The following GIPC2 variants were observed in gnomAD, a reference collection of about 807,000 sequenced individuals.
The protein encoded by GIPC2 is GIPC PDZ domain containing family member 2.
GIPC2 carries 30 observed loss-of-function variants against 30.6 expected under a neutral mutation model. The ratio of observed to expected loss-of-function variants is 0.98; its 90% CI spans 0.73 to 1.33. The LOEUF (loss-of-function observed/expected upper bound fraction) is 1.33, where lower values mean the gene tolerates loss of function less well. Among genes scored for constraint, GIPC2 ranks in the 40% most tolerant of loss-of-function variants. GIPC2 has a pLI of 0.00. For missense variants in GIPC2, 414 were observed against 390.3 expected, an observed-to-expected ratio of 1.06 and a Z score of -0.51; for synonymous variants, 167 against 150.0, an observed-to-expected ratio of 1.11 and a Z score of -0.83.
intron 3 of GIPC2, among the ~76,000 whole-genome samples, chr1:78,101,122 G>A (rs762512993): frequency 1.1e-4 from 17 of 152,250 alleles, no homozygotes; most frequent in Non-Finnish European, 1.9e-4. Context: ...AGAGCAGTGA[G>A]GGGAACATCA....
At chr1:78,046,985 G>A (rs531198447) in intron 1 of GIPC2, among the ~76,000 whole-genome samples, 13 of 152,210 alleles carry the variant, frequency 8.5e-5, no homozygotes, top group Non-Finnish European at 1.8e-4. Context: ...ATAACCTAGA[G>A]ATTCATACTT....
chr1:78,071,042 G>T (rs980355339), intron 1 of GIPC2, among the ~76,000 whole-genome samples: 1 of 151,990 alleles, frequency 6.6e-6, no homozygotes, highest in Admixed American at 6.6e-5. Flanking sequence ...CTGTCTTGTC[G>T]CCAATTTTAT....
rs1214003924 is a variant in GIPC2, at chr1:78,136,021, C to T, written c.*278C>T. The T allele has an allele frequency of 4.2e-6, 1 of 236,480 alleles. No homozygotes were observed. The highest frequency in any genetic ancestry group is 8.0e-6 in the Non-Finnish European group (1 of 125,340). 14.6% of individuals were successfully genotyped at this position (236,480 alleles called of 1,614,324 possible). A position where few individuals can be genotyped will look rare whatever the true frequency, so the allele number is the denominator to read the frequency against. ...GTAAGTTTTAAGGAGTATTTCTCGA[C>T]AGATGATTTTCTTCTCCATTAATAC... is the stretch of plus-strand genomic sequence containing the variant. On this transcript the variant is annotated 3_prime_UTR_variant, in exon 6 of 6. Transcript: ENST00000370759.
chr1:78,100,350 CTTTAT>C (rs983671951), intron 3 of GIPC2, among the ~76,000 whole-genome samples: 5 of 152,134 alleles, frequency 3.3e-5, no homozygotes, highest in African/African-American at 1.2e-4. Flanking sequence ...AGTCAGGGCT[CTTTAT>C]TTTAATTTTT....
chr1:78,106,743 C>T (rs191450553), intron 3 of GIPC2, among the ~76,000 whole-genome samples: 3 of 152,224 alleles, frequency 2.0e-5, no homozygotes, highest in Admixed American at 1.3e-4. Flanking sequence ...TGTGATGGTG[C>T]TATCTCGGCT....
Position 78,046,420 on chromosome 1 carries a change from GCGGCGTTTCC to G in GIPC2, c.240+90_240+99del. 4 of 1,306,846 alleles carry G rather than the reference GCGGCGTTTCC, an allele frequency of 3.1e-6. No individual in the cohort carries two copies. The Admixed American group carries it at 8.6e-5, about 28-fold the overall frequency. The allele number at this position is 1,306,846 out of a possible 1,614,324, so 81.0% of individuals were successfully genotyped here. On this transcript the variant is annotated intron_variant, in intron 1 of 5. Transcript: ENST00000370759. ...ATTTCTGTGGGCCCAGGAGGGTTGA[GCGGCGTTTCC>G]CGGAGCGCGAAATCCGATGCCGTGT...
At chr1:78,118,080 G>A (rs1312583757) in intron 3 of GIPC2, among the ~76,000 whole-genome samples, 1 of 151,492 alleles carries the variant, frequency 6.6e-6, no homozygotes, top group African/African-American at 2.4e-5. Context: ...GTGCCACCAT[G>A]CCTGGTTAAT....
At chr1:78,116,991 A>G (rs1662579812) in intron 3 of GIPC2, among the ~76,000 whole-genome samples, 1 of 148,578 alleles carries the variant, frequency 6.7e-6, no homozygotes, top group Non-Finnish European at 1.5e-5. Context: ...AAGTGTTCCT[A>G]TTTCTCCACA....
chr1:78,072,999 C>T lies in GIPC2; in HGVS notation c.241-7676C>T, dbSNP rs1294534344. Among the ~76,000 whole-genome samples, 4 of 150,122 alleles carry T rather than the reference C, an allele frequency of 2.7e-5. No homozygotes were observed. In the East Asian group the frequency reaches 5.9e-4, roughly 22 times the overall value. ...TTTTTTTTTGCATTTTTAGTAGAGA[C>T]GGGGTTTCACTGTATTAGCCAGGAT... On this transcript the variant is annotated intron_variant, in intron 1 of 5. Transcript: ENST00000370759.
chr1:78,077,592 T>TA (rs1661738744), intron 1 of GIPC2, among the ~76,000 whole-genome samples: 1 of 152,270 alleles, frequency 6.6e-6, no homozygotes, highest in Non-Finnish European at 1.5e-5. Flanking sequence ...GATACCTTGT[T>TA]ACGAGTTTAC....
intron 2 of GIPC2, among the ~76,000 whole-genome samples, chr1:78,089,762 A>G (rs772182134): frequency 2.6e-5 from 4 of 152,244 alleles, no homozygotes; most frequent in Non-Finnish European, 5.9e-5. Flanking sequence ...GAAAATTAAG[A>G]GCATACTTAT....
At chr1:78,052,538 T>A (rs1490254744) in intron 1 of GIPC2, among the ~76,000 whole-genome samples, 1 of 152,232 alleles carries the variant, frequency 6.6e-6, no homozygotes, top group Non-Finnish European at 1.5e-5. Flanking sequence ...GTTAATTTTT[T>A]TTATGTTCTG....
intron 1 of GIPC2, among the ~76,000 whole-genome samples, chr1:78,049,066 A>G (rs928454455): frequency 6.6e-6 from 1 of 152,262 alleles, no homozygotes; most frequent in Non-Finnish European, 1.5e-5. Flanking sequence ...GAAGTAACTC[A>G]CTAAAATGAA....
intron 3 of GIPC2, among the ~76,000 whole-genome samples, chr1:78,108,336 T>G (rs1315468727): frequency 6.6e-6 from 1 of 152,230 alleles, no homozygotes; most frequent in African/African-American, 2.4e-5. Flanking sequence ...CAGGGAGTTA[T>G]GAAAACAGCG....
chr1:78,088,578 CA>C (rs1448439774), intron 2 of GIPC2, among the ~76,000 whole-genome samples: 1 of 152,096 alleles, frequency 6.6e-6, no homozygotes, highest in African/African-American at 2.4e-5. Flanking sequence ...AAGGAGGAAA[CA>C]ACAGACACTG....
intron 1 of GIPC2, among the ~76,000 whole-genome samples, chr1:78,060,825 A>G (rs976123562): frequency 2.0e-5 from 3 of 151,746 alleles, no homozygotes; most frequent in Non-Finnish European, 4.4e-5. Flanking sequence ...GTGTGTGTAT[A>G]TAGATAGATA....
At chr1:78,109,255 A>C (rs977302366) in intron 3 of GIPC2, among the ~76,000 whole-genome samples, 1 of 152,172 alleles carries the variant, frequency 6.6e-6, no homozygotes, top group African/African-American at 2.4e-5. Context: ...CCTCTGAAAC[A>C]ATCACTGTGA....
chr1:78,109,674 C>T (rs1428050273), intron 3 of GIPC2, among the ~76,000 whole-genome samples: 1 of 152,046 alleles, frequency 6.6e-6, no homozygotes, highest in Non-Finnish European at 1.5e-5. Context: ...AAGGCATTAC[C>T]TTTGACTTAC....
chr1:78,045,208 T>C (rs1470862494), upstream of GIPC2: 1 of 297,624 alleles, frequency 3.4e-6, no homozygotes, highest in Non-Finnish European at 5.0e-6. Context: ...GGGCAAAGTC[T>C]GATCACAGTG....
Sources: allele counts gnomAD v4.1 joint callset (sites outside exome capture counted in the v4.1 genomes callset), GRCh38; gene constraint gnomAD v4.1.1; transcripts MANE v1.5; gene names NCBI Gene and HGNC (gene_info 2026-07-23, HGNC 2026-07-21).